Variants in HMCN1 observed in about 807,000 individuals in gnomAD.
HMCN1 encodes the protein hemicentin 1.
HMCN1 carries 321 observed loss-of-function variants against 625.9 expected under a neutral mutation model. The observed-to-expected ratio is 0.51, with a 90% CI of 0.47 to 0.56. HMCN1 has a LOEUF of 0.56. Among genes scored for constraint, HMCN1 ranks in the 20% least tolerant of loss-of-function variants. The pLI is 0.00. For synonymous variants in HMCN1, 2,425 were observed against 2,417.6 expected (o/e 1.00, Z -0.09); for missense variants, 6,588 against 6,887.3 (o/e 0.96, Z 1.54).
intron 1 of HMCN1, among the ~76,000 whole-genome samples, chr1:185,774,497 G>T (rs1396414464): frequency 6.6e-6 from 1 of 152,160 alleles, no homozygotes; most frequent in Non-Finnish European, 1.5e-5. Context: ...TCTGGTGCTT[G>T]ATCTGAATGA....
At chr1:186,156,691 G>A (rs1651044384) in intron 97 of HMCN1, among the ~76,000 whole-genome samples, 1 of 152,108 alleles carries the variant, frequency 6.6e-6, no homozygotes, top group South Asian at 2.1e-4. Flanking sequence ...GAATGCTTAG[G>A]AAGTTTTATC....
At chr1:186,063,723 G>T (rs1657924801) in intron 48 of HMCN1, among the ~76,000 whole-genome samples, 1 of 151,842 alleles carries the variant, frequency 6.6e-6, no homozygotes, top group African/African-American at 2.4e-5. Flanking sequence ...TTTGTAGTGG[G>T]GATTTTCCAA....
At chr1:185,810,589 C>G (rs1216625040) in intron 1 of HMCN1, among the ~76,000 whole-genome samples, 1 of 151,986 alleles carries the variant, frequency 6.6e-6, no homozygotes, top group Non-Finnish European at 1.5e-5. Context: ...GATTTAATCC[C>G]ACAATCAGTT....
At chr1:186,182,986 G>A (rs1343619761) in intron 105 of HMCN1, among the ~76,000 whole-genome samples, 2 of 152,092 alleles carry the variant, frequency 1.3e-5, no homozygotes, top group Non-Finnish European at 2.9e-5. Context: ...TTGTAATTTG[G>A]TAAAGTTGAT....
chr1:186,144,739 T>A lies in HMCN1; in HGVS notation c.14266+36T>A, dbSNP rs1309385848. The A allele has an allele frequency of 1.9e-6, 3 of 1,606,062 alleles. 1 individual carries two copies. The South Asian group carries it at 3.3e-5, about 18-fold the overall frequency. On this transcript the variant is annotated intron_variant, in intron 91 of 106. Coordinates refer to ENST00000271588, the MANE Select transcript of HMCN1 (RefSeq NM_031935.3). ...GAAATAGTGAGTCAACATTATACTT[T>A]CATAAAGTTTCATTATGACTGTAAT... is the stretch of plus-strand genomic sequence containing the variant.
Position 186,153,794 on chromosome 1 carries a change from C to T in HMCN1, c.15063C>T (p.Tyr5021=), listed in dbSNP as rs114051074. ...TTCAAACAGGTCCTGGGCAGCTGTA[C>T]GCCTACTCAACCCGGCTGTTCACCA... The part of the protein sequence containing the change: ...DYIQTGPGQL[Y]AYSTRLFTID... Residue 5021 remains tyrosine, a synonymous_variant, in exon 97 of 107, where the codon TAC becomes TAT. Coordinates refer to ENST00000271588, the MANE Select transcript of HMCN1 (RefSeq NM_031935.3). 1,320 of 1,614,128 alleles carry T rather than the reference C, an allele frequency of 8.2e-4. 12 individuals are homozygous for T. The African/African-American group carries it at 0.015, about 18-fold the overall frequency.
At chr1:185,808,191 C>G (rs1416160345) in intron 1 of HMCN1, among the ~76,000 whole-genome samples, 1 of 151,772 alleles carries the variant, frequency 6.6e-6, no homozygotes, top group Non-Finnish European at 1.5e-5. Context: ...ATTAAAAATA[C>G]AAAAAATTAG....
intron 63 of HMCN1, 119 bp from the exon 64 acceptor site, chr1:186,090,639 C>A: frequency 8.7e-7 from 1 of 1,144,818 alleles, no homozygotes; most frequent in Non-Finnish European, 1.3e-6. Flanking sequence ...AATAGTTTGA[C>A]CTTGAACCAT....
chr1:186,150,498 C>G (rs930402751), intron 93 of HMCN1, among the ~76,000 whole-genome samples: 3 of 152,138 alleles, frequency 2.0e-5, no homozygotes, highest in Non-Finnish European at 4.4e-5. Context: ...AAAGCACAGT[C>G]TCTCTCAAGT....
rs1659634389 is a variant in HMCN1, at chr1:186,088,227, T to C, written c.9528T>C (p.Thr3176=). The change falls in exon 62 of 107, where the codon ACT becomes ACC. Residue 3176 remains threonine (T), a synonymous_variant. Coordinates refer to ENST00000271588, the MANE Select transcript of HMCN1 (RefSeq NM_031935.3). ...CTGTGACATTAACATGTGATGCCACTGGGATCCCACCTCCCACGATAGCAT... is the reference window on the plus strand; with the variant it reads ...CTGTGACATTAACATGTGATGCCACCGGGATCCCACCTCCCACGATAGCAT... ...SNPVTLTCDA[T]GIPPPTIAWL... 6 of 1,612,862 alleles carry C rather than the reference T, an allele frequency of 3.7e-6. No homozygotes were observed. The Admixed American group carries it at 5.0e-5, about 13-fold the overall frequency.
intron 11 of HMCN1, among the ~76,000 whole-genome samples, chr1:185,937,044 T>C (rs1330056000): frequency 6.6e-6 from 1 of 152,170 alleles, no homozygotes; most frequent in Non-Finnish European, 1.5e-5. Flanking sequence ...GCATAGGACT[T>C]AAGTAGAAAT....
intron 104 of HMCN1, among the ~76,000 whole-genome samples, chr1:186,178,980 A>G (rs1432021920): frequency 6.6e-6 from 1 of 152,234 alleles, no homozygotes; most frequent in Non-Finnish European, 1.5e-5. Context: ...CTAATAATTT[A>G]TTGTGTTATA....
chr1:186,006,996 A>G, intron 29 of HMCN1, 132 bp from the exon 30 acceptor site: 2 of 718,690 alleles, frequency 2.8e-6, no homozygotes, highest in Non-Finnish European at 4.8e-6. Context: ...TTGGAGTGCT[A>G]ATCATATCAT....
intron 1 of HMCN1, among the ~76,000 whole-genome samples, chr1:185,769,793 C>G (rs1223356321): frequency 6.6e-6 from 1 of 152,100 alleles, no homozygotes; most frequent in Non-Finnish European, 1.5e-5. Context: ...TCTAGGATGA[C>G]CTCAGCTGGG....
intron 1 of HMCN1, among the ~76,000 whole-genome samples, chr1:185,803,205 CAA>C: frequency 3.4e-5 from 2 of 58,752 alleles, no homozygotes; most frequent in Non-Finnish European, 4.2e-5. Flanking sequence ...AAAAAAAAAG[CAA>C]AAAAAAAAAA....
chr1:186,098,548 G>T (rs117310993), intron 68 of HMCN1, among the ~76,000 whole-genome samples: 1 of 151,960 alleles, frequency 6.6e-6, no homozygotes, highest in Admixed American at 6.6e-5. Context: ...AACAAGAGTC[G>T]GCAAGGATGT....
chr1:186,000,536 G>A (rs532269493), intron 26 of HMCN1, among the ~76,000 whole-genome samples: 17 of 145,448 alleles, frequency 1.2e-4, no homozygotes, highest in Admixed American at 1.4e-4. Flanking sequence ...AGTTATCAGC[G>A]TGTAGGGTGT....
At chr1:186,156,381 C>G (rs989826375) in intron 97 of HMCN1, among the ~76,000 whole-genome samples, 9 of 152,074 alleles carry the variant, frequency 5.9e-5, no homozygotes, top group African/African-American at 2.2e-4. Flanking sequence ...TAGAAAAATG[C>G]ATAAGGGAAA....
chr1:185,835,114 T>A (rs1201019454), intron 1 of HMCN1, among the ~76,000 whole-genome samples: 1 of 152,166 alleles, frequency 6.6e-6, no homozygotes, highest in Non-Finnish European at 1.5e-5. Flanking sequence ...TGAGTACAGA[T>A]CATACAACAA....
Sources: gnomAD v4.1 joint callset for allele counts (sites outside exome capture counted in the v4.1 genomes callset) on GRCh38, gnomAD v4.1.1 for gene constraint, MANE v1.5 for transcripts, NCBI Gene and HGNC (gene_info 2026-07-23, HGNC 2026-07-21) for gene names.